The following GPR158 variants were observed in gnomAD, a reference collection of about 807,000 sequenced individuals.
GPR158 encodes G protein-coupled receptor 158.
A neutral mutation model predicts 78.2 loss-of-function variants in GPR158; 30 were observed. The observed-to-expected ratio is 0.38, with a 90% CI of 0.29 to 0.52. The LOEUF (loss-of-function observed/expected upper bound fraction) is 0.52, where lower values mean the gene tolerates loss of function less well. Ranked by LOEUF, GPR158 falls within the 20% of genes least tolerant of loss-of-function variation. The pLI is 0.83. For missense variants in GPR158, 1,463 were observed against 1,523.5 expected, an observed-to-expected ratio of 0.96 and a Z score of 0.66; for synonymous variants, 581 against 591.1, an observed-to-expected ratio of 0.98 and a Z score of 0.25.
chr10:25,576,578 G>C (rs964651054), intron 7 of GPR158, among the ~76,000 whole-genome samples: 1 of 152,128 alleles, frequency 6.6e-6, no homozygotes, highest in African/African-American at 2.4e-5. Context: ...TGACGACCCT[G>C]AGATAGATAG....
intron 5 of GPR158, among the ~76,000 whole-genome samples, chr10:25,473,639 A>G (rs911429140): frequency 1.3e-5 from 2 of 152,098 alleles, no homozygotes; most frequent in Non-Finnish European, 2.9e-5. Context: ...AGAGCCTGTT[A>G]TTAGTCTATT....
At chr10:25,439,324 G>A (rs185053702) in intron 4 of GPR158, among the ~76,000 whole-genome samples, 14 of 152,264 alleles carry the variant, frequency 9.2e-5, no homozygotes, top group South Asian at 2.1e-4. Flanking sequence ...CTCATGAGAC[G>A]TATTCACTAC....
At chr10:25,416,345 A>G (rs192249051) in intron 4 of GPR158, among the ~76,000 whole-genome samples, 1 of 152,298 alleles carries the variant, frequency 6.6e-6, no homozygotes, top group African/African-American at 2.4e-5. Context: ...TTCTGTGCTG[A>G]TAATCTTCAA....
At chr10:25,541,606 A>C (rs1393315477) in intron 5 of GPR158, among the ~76,000 whole-genome samples, 4 of 151,896 alleles carry the variant, frequency 2.6e-5, no homozygotes, top group Non-Finnish European at 5.9e-5. Flanking sequence ...TTTCAAAAAA[A>C]AAAAAAATTT....
chr10:25,571,104 C>T lies in GPR158; in HGVS notation c.1515-1545C>T, dbSNP rs548713644. ...TGAAGATATTACCTGCCAGTGTTAG[C>T]GTTCGCCAGTGTTAGCGTTCACTAT... On this transcript the variant is annotated intron_variant, in intron 6 of 10. Coordinates refer to ENST00000376351, the MANE Select transcript of GPR158 (RefSeq NM_020752.3). 8.9e-5 allele frequency among the ~76,000 whole-genome samples: 8 copies of T among 90,084 alleles called. No homozygotes were observed. In the African/African-American group the frequency reaches 9.3e-4, roughly 11 times the overall value. The allele number at this position is 90,084 out of a possible 152,430, so 59.1% of individuals were successfully genotyped here.
rs1183761536 is a variant in GPR158 at position 25,599,949 on chromosome 10, T to C, written c.*675T>C. ...CCTGCTATCTATCAACTTTAGTTGA[T>C]TCTTGAAGTACAGTAAGCTTTCTCT... On this transcript the variant is annotated 3_prime_UTR_variant, in exon 11 of 11. Coordinates refer to ENST00000376351, the MANE Select transcript of GPR158 (RefSeq NM_020752.3). 6.5e-6 allele frequency: 1 copy of C among 152,676 alleles called. No homozygotes were observed. The highest frequency in any genetic ancestry group is 1.5e-5 in the Non-Finnish European group (1 of 68,036). 9.5% of individuals were successfully genotyped at this position (152,676 alleles called of 1,614,324 possible).
chr10:25,399,543 T>C (rs1442107022), intron 3 of GPR158, among the ~76,000 whole-genome samples: 2 of 152,140 alleles, frequency 1.3e-5, no homozygotes, highest in East Asian at 1.9e-4. Context: ...CCTCAGTCCA[T>C]AGAAAAATTG....
At chr10:25,257,299 G>T (rs1853901229) in intron 2 of GPR158, among the ~76,000 whole-genome samples, 1 of 152,054 alleles carries the variant, frequency 6.6e-6, no homozygotes, top group Non-Finnish European at 1.5e-5. Flanking sequence ...TCTTTTAAAG[G>T]CCCTGTCTTT....
At chr10:25,454,332 G>A (rs552336000) in intron 4 of GPR158, among the ~76,000 whole-genome samples, 6 of 56,832 alleles carry the variant, frequency 1.1e-4, no homozygotes, top group South Asian at 6.1e-4. Flanking sequence ...TTCCAAGTCC[G>A]ACCCGGAGGA....
intron 6 of GPR158, among the ~76,000 whole-genome samples, chr10:25,561,470 T>C (rs1038403946): frequency 5.9e-5 from 9 of 152,208 alleles, no homozygotes; most frequent in African/African-American, 2.2e-4. Flanking sequence ...TTCAGAATAA[T>C]TGACCATCTG....
At chr10:25,588,702 A>G (rs1480351771) in intron 7 of GPR158, among the ~76,000 whole-genome samples, 2 of 152,206 alleles carry the variant, frequency 1.3e-5, no homozygotes, top group Non-Finnish European at 2.9e-5. Flanking sequence ...GATATGGAAA[A>G]TTAGTTTACA....
At chr10:25,453,111 A>G (rs554447168) in intron 4 of GPR158, among the ~76,000 whole-genome samples, 2 of 152,232 alleles carry the variant, frequency 1.3e-5, no homozygotes, top group Admixed American at 6.5e-5. Context: ...CACATTTTCT[A>G]TATCCATGTA....
chr10:25,356,224 T>C (rs1855547993), intron 2 of GPR158, among the ~76,000 whole-genome samples: 1 of 152,082 alleles, frequency 6.6e-6, no homozygotes, highest in Non-Finnish European at 1.5e-5. Context: ...CTCAGAGTTT[T>C]TTCACTTCTA....
At chr10:25,495,071 C>G (rs568467632) in intron 5 of GPR158, among the ~76,000 whole-genome samples, 13 of 151,244 alleles carry the variant, frequency 8.6e-5, no homozygotes, top group Non-Finnish European at 1.6e-4. Flanking sequence ...ATTGATTCAC[C>G]GTAGAAAATT....
At position 25,522,174 on chromosome 10, in the gene GPR158, A is replaced by G. The variant is rs926550220; in HGVS notation, c.1405-28802A>G. ...GCTTCTTACTATGTAAGTTAAGAGT[A>G]TTGACATAGGTATTCTCAACAGCAC... On this transcript the variant is annotated intron_variant, in intron 5 of 10. Coordinates refer to ENST00000376351, the MANE Select transcript of GPR158 (RefSeq NM_020752.3). 3.3e-5 allele frequency among the ~76,000 whole-genome samples: 5 copies of G among 152,334 alleles called. No individual in the cohort carries two copies. The South Asian group carries it at 6.2e-4, about 19-fold the overall frequency.
intron 2 of GPR158, among the ~76,000 whole-genome samples, chr10:25,310,789 TTTTC>T (rs1312775013): frequency 6.6e-6 from 1 of 152,080 alleles, no homozygotes; most frequent in African/African-American, 2.4e-5. Context: ...TTAGAGATCT[TTTTC>T]TACAACCAGT....
At chr10:25,536,617 A>G (rs1216211003) in intron 5 of GPR158, among the ~76,000 whole-genome samples, 2 of 152,184 alleles carry the variant, frequency 1.3e-5, no homozygotes, top group Admixed American at 6.5e-5. Context: ...CCATTTCTTG[A>G]GAAATATATT....
At chr10:25,359,694 T>C (rs1855604137) in intron 2 of GPR158, among the ~76,000 whole-genome samples, 3 of 152,220 alleles carry the variant, frequency 2.0e-5, no homozygotes, top group Non-Finnish European at 4.4e-5. Context: ...GTCTTTGCTA[T>C]TGTGAATAGT....
intron 1 of GPR158, among the ~76,000 whole-genome samples, chr10:25,208,402 A>C (rs1003768242): frequency 4.6e-5 from 7 of 152,256 alleles, no homozygotes; most frequent in African/African-American, 1.7e-4. Flanking sequence ...TTGATTGACA[A>C]CTAAATAAAT....
Sources: allele counts gnomAD v4.1 joint callset (sites outside exome capture counted in the v4.1 genomes callset), GRCh38; gene constraint gnomAD v4.1.1; transcripts MANE v1.5; gene names NCBI Gene and HGNC (gene_info 2026-07-23, HGNC 2026-07-21).